Variants in SLC25A21 observed in about 807,000 individuals in gnomAD.
SLC25A21 encodes mitochondrial 2-oxodicarboxylate carrier.
A neutral mutation model predicts 43.8 loss-of-function variants in SLC25A21; 47 were observed. That is an observed-to-expected ratio of 1.07 (90% CI 0.85 to 1.37). SLC25A21 has a LOEUF of 1.37. SLC25A21 is among the 40% of genes most tolerant of loss of function. The pLI is 0.00. For synonymous variants in SLC25A21, 131 were observed against 121.3 expected (o/e 1.08, Z -0.52); for missense variants, 352 against 350.2 (o/e 1.00, Z -0.04).
At chr14:37,165,335 C>G (rs980900245) in intron 1 of SLC25A21, among the ~76,000 whole-genome samples, 3 of 151,944 alleles carry the variant, frequency 2.0e-5, no homozygotes, top group African/African-American at 7.3e-5. Context: ...CAAGATTGCG[C>G]CACTGTACTC....
At chr14:37,126,629 G>T (rs189612469) in intron 1 of SLC25A21, among the ~76,000 whole-genome samples, 1 of 151,918 alleles carries the variant, frequency 6.6e-6, no homozygotes, top group East Asian at 1.9e-4. Flanking sequence ...AAAAATAGGA[G>T]GCTACTGGCA....
At chr14:36,852,623 T>C (rs1209934882) in intron 2 of SLC25A21, among the ~76,000 whole-genome samples, 3 of 152,188 alleles carry the variant, frequency 2.0e-5, no homozygotes, top group Admixed American at 1.3e-4. Flanking sequence ...AAGTGTACCT[T>C]CATGTAATCA....
chr14:37,040,433 A>AAGAAAGAG (rs1462688237), intron 1 of SLC25A21, among the ~76,000 whole-genome samples: 39 of 104,240 alleles, frequency 3.7e-4, no homozygotes, highest in Non-Finnish European at 5.3e-4. Flanking sequence ...GAAAGAAAGA[A>AAGAAAGAG]AGAAAGAAAA....
intron 7 of SLC25A21, among the ~76,000 whole-genome samples, chr14:36,692,765 T>C (rs1301833552): frequency 6.6e-6 from 1 of 152,292 alleles, no homozygotes; most frequent in South Asian, 2.1e-4. Context: ...CAAGGTTGAG[T>C]AGAGGACAGC....
intron 1 of SLC25A21, among the ~76,000 whole-genome samples, chr14:36,983,701 C>T (rs1321077550): frequency 6.6e-6 from 1 of 152,082 alleles, no homozygotes; most frequent in African/African-American, 2.4e-5. Flanking sequence ...TTTATTGCAC[C>T]ACTATTCACA....
intron 1 of SLC25A21, among the ~76,000 whole-genome samples, chr14:37,101,021 G>T (rs1053273137): frequency 6.6e-6 from 1 of 152,076 alleles, no homozygotes; most frequent in African/African-American, 2.4e-5. Flanking sequence ...TATAAACTAA[G>T]AAATTAAATA....
chr14:36,738,910 A>T (rs1379872595), intron 3 of SLC25A21, among the ~76,000 whole-genome samples: 1 of 152,218 alleles, frequency 6.6e-6, no homozygotes, highest in African/African-American at 2.4e-5. Flanking sequence ...ATATGTACAC[A>T]TGGTAATCTC....
chr14:36,982,788 T>C (rs1368617448), intron 1 of SLC25A21, among the ~76,000 whole-genome samples: 1 of 152,028 alleles, frequency 6.6e-6, no homozygotes, highest in African/African-American at 2.4e-5. Flanking sequence ...CACTCCAGCC[T>C]GGGCCATAGA....
In SLC25A21 at chr14:36,926,710, C is replaced by T. The variant is rs558800133; in HGVS notation, c.71-51706G>A. Among the ~76,000 whole-genome samples the T allele has an allele frequency of 4.6e-5, 7 of 152,296 alleles. No homozygotes were observed. In the South Asian group the frequency reaches 8.3e-4, roughly 18 times the overall value. The stretch of plus-strand genomic sequence containing the variant: ...ATTCCACAGTAGTTTGGGTATTTAA[C>T]TATATTGACACTTGCAGATTAAATA... On this transcript the variant is annotated intron_variant, in intron 1 of 9. Transcript: ENST00000331299.
At chr14:36,778,973 C>T (rs1594580258) in intron 3 of SLC25A21, among the ~76,000 whole-genome samples, 1 of 151,820 alleles carries the variant, frequency 6.6e-6, no homozygotes, top group Admixed American at 6.6e-5. Flanking sequence ...CAGCATTTAT[C>T]CTCCCCCCAA....
chr14:36,742,555 T>C (rs1221280183), intron 3 of SLC25A21, among the ~76,000 whole-genome samples: 2 of 152,132 alleles, frequency 1.3e-5, no homozygotes, highest in East Asian at 1.9e-4. Context: ...GTTCACAAAA[T>C]TGCATGCATC....
chr14:37,094,791 T>A (rs1424252290), intron 1 of SLC25A21, among the ~76,000 whole-genome samples: 1 of 150,398 alleles, frequency 6.6e-6, no homozygotes, highest in East Asian at 1.9e-4. Context: ...GCTGGCTGAA[T>A]AAACTATGGT....
At chr14:37,108,409 A>G (rs1962954995) in intron 1 of SLC25A21, among the ~76,000 whole-genome samples, 1 of 152,216 alleles carries the variant, frequency 6.6e-6, no homozygotes, top group Non-Finnish European at 1.5e-5. Flanking sequence ...ACCAGAAACT[A>G]TTACAAGAAA....
intron 1 of SLC25A21, among the ~76,000 whole-genome samples, chr14:37,072,490 G>A (rs1962193322): frequency 6.6e-6 from 1 of 152,094 alleles, no homozygotes; most frequent in Admixed American, 6.5e-5. Flanking sequence ...TTTTCAGCTG[G>A]GTGCAATGTC....
chr14:37,133,316 A>G (rs1326288898), intron 1 of SLC25A21, among the ~76,000 whole-genome samples: 4 of 152,080 alleles, frequency 2.6e-5, no homozygotes, highest in African/African-American at 9.7e-5. Flanking sequence ...ACTATTCCCC[A>G]GTCCCTCTGT....
At chr14:36,964,485 T>A (rs926984777) in intron 1 of SLC25A21, among the ~76,000 whole-genome samples, 8 of 152,204 alleles carry the variant, frequency 5.3e-5, no homozygotes, top group Non-Finnish European at 8.8e-5. Context: ...GTAACAACAT[T>A]ACAAACTTGG....
At chr14:37,079,078 T>C (rs904394522) in intron 1 of SLC25A21, among the ~76,000 whole-genome samples, 8 of 152,216 alleles carry the variant, frequency 5.3e-5, no homozygotes, top group Non-Finnish European at 1.0e-4. Flanking sequence ...CACTTCAAAA[T>C]GTAAATGTTT....
At chr14:36,825,530 C>G (rs1022806085) in intron 2 of SLC25A21, among the ~76,000 whole-genome samples, 6 of 152,154 alleles carry the variant, frequency 3.9e-5, no homozygotes, top group Admixed American at 2.6e-4. Flanking sequence ...ATAAAACCAA[C>G]TCATATGTTT....
intron 1 of SLC25A21, among the ~76,000 whole-genome samples, chr14:37,170,122 G>A (rs994714012): frequency 2.0e-5 from 3 of 151,712 alleles, no homozygotes; most frequent in African/African-American, 4.8e-5. Context: ...TGCAACCTCC[G>A]CCTCCTGGGT....
Sources: gnomAD v4.1 joint callset for allele counts (sites outside exome capture counted in the v4.1 genomes callset) on GRCh38, gnomAD v4.1.1 for gene constraint, MANE v1.5 for transcripts, NCBI Gene and HGNC (gene_info 2026-07-23, HGNC 2026-07-21) for gene names.